Variants in MGME1 observed in about 807,000 individuals in gnomAD.
The protein encoded by MGME1 is mitochondrial genome maintenance exonuclease 1, also known as chromosome 20 open reading frame 72.
Under a neutral mutation model 33.0 loss-of-function variants are expected in MGME1, and 22 were observed. The ratio of observed to expected loss-of-function variants is 0.67; its 90% CI spans 0.48 to 0.95. The LOEUF (loss-of-function observed/expected upper bound fraction) is 0.95. Ranked by LOEUF, MGME1 falls within the 40% of genes least tolerant of loss-of-function variation. MGME1 has a pLI of 0.00. For missense variants in MGME1, 383 were observed against 397.8 expected, an observed-to-expected ratio of 0.96 and a Z score of 0.32; for synonymous variants, 133 against 144.0, an observed-to-expected ratio of 0.92 and a Z score of 0.55.
chr20:17,985,193 G>A (rs1181860652), intron 3 of MGME1, among the ~76,000 whole-genome samples: 1 of 152,222 alleles, frequency 6.6e-6, no homozygotes, highest in Non-Finnish European at 1.5e-5. Flanking sequence ...GGAGGCCAAG[G>A]TGGGTGGATC....
In MGME1 at chr20:17,969,874, A is replaced by G; in HGVS notation, c.15A>G (p.Leu5=). 1.9e-6 allele frequency: 3 copies of G among 1,609,026 alleles called. No individual in the cohort carries two copies. Among genetic ancestry groups the G allele is most frequent in the Non-Finnish European group, 2.5e-6 (3 of 1,178,508 alleles). Residue 5 remains leucine (L), a synonymous_variant, in exon 2 of 5, where the codon TTA becomes TTG. Transcript: ENST00000377710. MKMK[L]FQTICRQLRS... ...AACAAATCTGAATGAAGATGAAGTTATTTCAGACCATTTGCAGGCAGCTCA... is the reference window on the plus strand; with the variant it reads ...AACAAATCTGAATGAAGATGAAGTTGTTTCAGACCATTTGCAGGCAGCTCA...
At chr20:17,978,366 G>A (rs541196878) in intron 3 of MGME1, among the ~76,000 whole-genome samples, 123 of 152,124 alleles carry the variant, frequency 8.1e-4, no homozygotes, top group African/African-American at 2.7e-3. Flanking sequence ...CACCACACCC[G>A]GCTAATTTTT....
chr20:17,975,241 A>G (rs2035828535), intron 2 of MGME1, among the ~76,000 whole-genome samples: 1 of 152,148 alleles, frequency 6.6e-6, no homozygotes, highest in Non-Finnish European at 1.5e-5. Context: ...ATTTGGTCTT[A>G]GGGGTTGTCA....
intron 3 of MGME1, among the ~76,000 whole-genome samples, chr20:17,978,926 A>G (rs6111768): frequency 0.69 from 104,707 of 151,590 alleles, 36,502 homozygotes; most frequent in African/African-American, 0.79. Flanking sequence ...ACAGGCACCC[A>G]CCACCACGCC....
chr20:17,981,296 G>T (rs1456742447), intron 3 of MGME1, among the ~76,000 whole-genome samples: 2 of 152,236 alleles, frequency 1.3e-5, no homozygotes, highest in East Asian at 3.9e-4. Flanking sequence ...TAAGATATTG[G>T]GCTCAGGAGC....
In MGME1 at chr20:17,988,284, A is replaced by G. The variant is rs370021658; in HGVS notation, c.850A>G (p.Asn284Asp). ...AYMGAMNHDT[N>D]YSFQVQCGLI... ...CATGGGTGCCATGAACCATGATACC[A>G]ACTACAGCTTTCAGGTCAGGACACT... is the stretch of plus-strand genomic sequence containing the variant. Residue 284 changes from asparagine to aspartate, a missense_variant, in exon 4 of 5, where the codon AAC (asparagine) becomes GAC (aspartate). By Grantham distance (23) the Asn-to-Asp change is conservative (BLOSUM62 1). Coordinates refer to ENST00000377710, the MANE Select transcript of MGME1 (RefSeq NM_052865.4). The G allele has an allele frequency of 8.6e-5, 138 of 1,613,720 alleles. No homozygotes were observed. The highest frequency in any genetic ancestry group is 1.1e-4 in the Non-Finnish European group (135 of 1,179,918).
intron 3 of MGME1, among the ~76,000 whole-genome samples, chr20:17,987,517 TA>T (rs975403822): frequency 1.3e-5 from 2 of 152,188 alleles, no homozygotes; most frequent in African/African-American, 4.8e-5. Context: ...ATATTTTGGA[TA>T]TGTTGGGTTA....
At chr20:17,982,702 T>C (rs1227946027) in intron 3 of MGME1, among the ~76,000 whole-genome samples, 1 of 152,252 alleles carries the variant, frequency 6.6e-6, no homozygotes, top group Non-Finnish European at 1.5e-5. Flanking sequence ...TGAGCATCTT[T>C]TCATTTAAGA....
Position 17,975,865 on chromosome 20 carries a change from A to G in MGME1, c.693A>G (p.Leu231=). The G allele has an allele frequency of 6.2e-7, 1 of 1,614,140 alleles. No homozygotes were observed. Among genetic ancestry groups the G allele is most frequent in the Non-Finnish European group, 8.5e-7 (1 of 1,179,992 alleles). ...ALESAVQHET[L]NYIGLLDCVA... ...AAAGTGCTGTTCAACATGAAACCTTAAACTATATAGGTCTGCTGGACTGTG... is the reference window on the plus strand; with the variant it reads ...AAAGTGCTGTTCAACATGAAACCTTGAACTATATAGGTCTGCTGGACTGTG... The change falls in exon 3 of 5, where the codon TTA becomes TTG. Residue 231 remains leucine, a synonymous_variant. Transcript: ENST00000377710.
Position 17,979,846 on chromosome 20 carries a change from C to T in MGME1, c.731+3943C>T, listed in dbSNP as rs549363896. Among the ~76,000 whole-genome samples the T allele has an allele frequency of 8.2e-4, 125 of 152,198 alleles. 1 individual carries two copies. In the Middle Eastern group the frequency reaches 0.01, roughly 12 times the overall value. On this transcript the variant is annotated intron_variant, in intron 3 of 4. Transcript: ENST00000377710. Reference sequence around the variant, plus strand: ...CCCCAGGCTCAGGCTGTCCTTCCACCTCAGCTTCCCAAATAGCTGGAACTA... The same window carrying T: ...CCCCAGGCTCAGGCTGTCCTTCCACTTCAGCTTCCCAAATAGCTGGAACTA...
rs775871978 is a variant in MGME1, at chr20:17,969,811, A to G, written c.-49A>G. On this transcript the variant is annotated 5_prime_UTR_variant, in exon 2 of 5. Transcript: ENST00000377710. ...TTTTCTCTCCAATAGGAATACAAAC[A>G]TAAAGGCCTTCGACCGTTGCAAATA... 2 of 1,534,296 alleles carry G rather than the reference A, an allele frequency of 1.3e-6. No individual in the cohort carries two copies. The highest frequency in any genetic ancestry group is 2.6e-5 in the South Asian group (2 of 77,604).
At chr20:17,982,443 A>G (rs1221539362) in intron 3 of MGME1, among the ~76,000 whole-genome samples, 1 of 152,202 alleles carries the variant, frequency 6.6e-6, no homozygotes, top group Non-Finnish European at 1.5e-5. Context: ...CGTGTGATAT[A>G]TGCAGTTACA....
intron 3 of MGME1, among the ~76,000 whole-genome samples, chr20:17,982,767 TAAAA>T (rs917809666): frequency 6.6e-6 from 1 of 152,208 alleles, no homozygotes; most frequent in Non-Finnish European, 1.5e-5. Flanking sequence ...ACTATGATGT[TAAAA>T]AATGTTTTTG....
chr20:17,990,100 T>A lies in MGME1; in HGVS notation c.1026T>A (p.Tyr342Ter). ...ACCAGAATATTCAGAAACCAGAATA[T>A]TCAGAATAGGGAGCAAGTTGCTATT... is the stretch of plus-strand genomic sequence containing the variant. Reference protein sequence around the residue: ...KKNQNIQKPEYSE With the variant: ...KKNQNIQKPE Residue 342 changes from tyrosine to a stop codon, truncating the protein, a stop_gained, in exon 5 of 5, where the codon TAT becomes TAA. Transcript: ENST00000377710. LOFTEE classifies it high-confidence loss of function. The A allele has an allele frequency of 3.7e-6, 6 of 1,614,062 alleles. No homozygotes were observed. Among genetic ancestry groups the A allele is most frequent in the Non-Finnish European group, 5.1e-6 (6 of 1,179,956 alleles).
intron 3 of MGME1, among the ~76,000 whole-genome samples, chr20:17,978,903 A>G (rs1291999207): frequency 6.6e-6 from 1 of 151,538 alleles, no homozygotes; most frequent in East Asian, 1.9e-4. Context: ...AGCCTCCCCA[A>G]GTGGCTAGGA....
intron 3 of MGME1, among the ~76,000 whole-genome samples, chr20:17,982,689 G>A (rs755208691): frequency 6.6e-6 from 1 of 152,166 alleles, no homozygotes; most frequent in Non-Finnish European, 1.5e-5. Context: ...ACATAAGTGA[G>A]ACTGAGCATC....
chr20:17,968,798 G>A (rs923456509), upstream of MGME1: 4 of 267,294 alleles, frequency 1.5e-5, no homozygotes, highest in African/African-American at 2.3e-5. Flanking sequence ...GAGAAAGACC[G>A]CGTTTCGGTG....
At chr20:17,977,022 T>C (rs2035886875) in intron 3 of MGME1, among the ~76,000 whole-genome samples, 1 of 151,894 alleles carries the variant, frequency 6.6e-6, no homozygotes, top group South Asian at 2.1e-4. Flanking sequence ...AGTCCAAGTG[T>C]TACAGGAAAG....
At chr20:17,972,574 C>T (rs876827) in intron 2 of MGME1, 226,186 of 789,282 alleles carry the variant, frequency 0.29, 33,806 homozygotes, top group East Asian at 0.43. Flanking sequence ...AAACATTTCA[C>T]TTTCATTACT....
Sources: allele counts gnomAD v4.1 joint callset (sites outside exome capture counted in the v4.1 genomes callset), GRCh38; gene constraint gnomAD v4.1.1; transcripts MANE v1.5; gene names NCBI Gene and HGNC (gene_info 2026-07-23, HGNC 2026-07-21).